TENM1: variants seen among roughly 807,000 people sequenced by gnomAD.
TENM1 encodes the protein teneurin-1.
In TENM1, 35 loss-of-function variants were observed where a neutral mutation model predicts 174.8. The ratio of observed to expected loss-of-function variants is 0.20; its 90% CI spans 0.15 to 0.27. The LOEUF (loss-of-function observed/expected upper bound fraction) is 0.27, where lower values mean the gene tolerates loss of function less well. Ranked by LOEUF, TENM1 falls within the 10% of genes least tolerant of loss-of-function variation. The pLI is 1.00. For synonymous variants in TENM1, 781 were observed against 798.7 expected (o/e 0.98, Z 0.37); for missense variants, 1,633 against 2,130.1 (o/e 0.77, Z 4.59).
At chrX:124,493,718 T>C (rs1398201449) in intron 20 of TENM1, among the ~76,000 whole-genome samples, 1 of 111,512 alleles carries the variant, frequency 9.0e-6, no homozygotes, top group African/African-American at 3.3e-5. Context: ...CTGTTGACTT[T>C]CCAGTAAGTA....
At chrX:124,458,749 C>T (rs1316273791) in intron 22 of TENM1, among the ~76,000 whole-genome samples, 1 of 111,892 alleles carries the variant, frequency 8.9e-6, no homozygotes, top group East Asian at 2.8e-4. Context: ...GAAAGACAGA[C>T]GACACCAGTG....
the TENM1 span, among the ~76,000 whole-genome samples, chrX:125,071,863 C>A: frequency 0.015 from 1,625 of 110,577 alleles, 22 homozygotes; most frequent in African/African-American, 0.051. Flanking sequence ...TCATATATTT[C>A]TGTCAGATCA....
At chrX:124,493,217 T>G (rs1006187167) in intron 20 of TENM1, among the ~76,000 whole-genome samples, 1 of 111,816 alleles carries the variant, frequency 8.9e-6, no homozygotes, top group Admixed American at 9.5e-5. Context: ...AGTTATTCTA[T>G]TTTATACTTC....
intron 18 of TENM1, among the ~76,000 whole-genome samples, chrX:124,514,277 T>A (rs1445030593): frequency 9.1e-6 from 1 of 110,220 alleles, no homozygotes; most frequent in Non-Finnish European, 1.9e-5. Flanking sequence ...AGAAAATTTC[T>A]AAGTGTCACA....
At chrX:124,456,741 T>C (rs1187890085) in intron 22 of TENM1, among the ~76,000 whole-genome samples, 3 of 111,766 alleles carry the variant, frequency 2.7e-5, no homozygotes, top group African/African-American at 9.7e-5. Flanking sequence ...TGATTTCAGA[T>C]CACATAAAGC....
At chrX:125,042,617 C>T in the TENM1 span, among the ~76,000 whole-genome samples, 1 of 111,106 alleles carries the variant, frequency 9.0e-6, no homozygotes, top group Non-Finnish European at 1.9e-5. Flanking sequence ...AACAAAAATG[C>T]CTTAACTCTA....
At chrX:125,158,638 A>C in the TENM1 span, among the ~76,000 whole-genome samples, 1 of 110,410 alleles carries the variant, frequency 9.1e-6, no homozygotes, top group Non-Finnish European at 1.9e-5. Context: ...AGTACTAACT[A>C]GATGCACATT....
chrX:124,846,487 C>T (rs2056611344), intron 3 of TENM1, among the ~76,000 whole-genome samples: 1 of 110,885 alleles, frequency 9.0e-6, no homozygotes, highest in Admixed American at 9.6e-5. Context: ...CAGTAATTTC[C>T]TTTTTTATTT....
At chrX:125,087,088 T>C in the TENM1 span, among the ~76,000 whole-genome samples, 1 of 110,951 alleles carries the variant, frequency 9.0e-6, no homozygotes, top group Non-Finnish European at 1.9e-5. Flanking sequence ...CTGTAATACA[T>C]GAGCATCTCT....
intron 3 of TENM1, among the ~76,000 whole-genome samples, chrX:124,869,119 A>G (rs1202282010): frequency 9.2e-6 from 1 of 108,634 alleles, no homozygotes; most frequent in African/African-American, 3.4e-5. Flanking sequence ...TGTAATCCCA[A>G]CTACTCTAGA....
chrX:125,033,904 A>G, the TENM1 span, among the ~76,000 whole-genome samples: 1 of 112,153 alleles, frequency 8.9e-6, no homozygotes, highest in South Asian at 3.7e-4. Flanking sequence ...TTTATTACAC[A>G]TGTAAACAAC....
intron 3 of TENM1, among the ~76,000 whole-genome samples, chrX:124,809,843 G>GGGGAGAGAGAGAGA (rs1556343852): frequency 5.1e-5 from 4 of 78,674 alleles, no homozygotes; most frequent in African/African-American, 2.0e-4. Flanking sequence ...CATGACAGCA[G>GGGGAGAGAGAGAGA]GAGAGAGAGA....
intron 11 of TENM1, among the ~76,000 whole-genome samples, chrX:124,596,911 A>T (rs1037066111): frequency 2.7e-5 from 3 of 111,810 alleles, no homozygotes; most frequent in African/African-American, 9.7e-5. Context: ...GCCAAAAAAC[A>T]TATGAAAAAA....
At chrX:124,799,556 C>G (rs1260737639) in intron 3 of TENM1, among the ~76,000 whole-genome samples, 1 of 111,430 alleles carries the variant, frequency 9.0e-6, no homozygotes, top group Non-Finnish European at 1.9e-5. Flanking sequence ...CAAACAGAGA[C>G]AATTTAACTT....
At chrX:124,432,720 C>A (rs1039073173) in intron 23 of TENM1, among the ~76,000 whole-genome samples, 4 of 112,221 alleles carry the variant, frequency 3.6e-5, no homozygotes, top group Admixed American at 9.5e-5. Context: ...GCCACCACAC[C>A]CAGCCAACTC....
intron 4 of TENM1, among the ~76,000 whole-genome samples, chrX:124,732,985 G>A (rs994942580): frequency 2.7e-5 from 3 of 111,779 alleles, no homozygotes; most frequent in African/African-American, 6.5e-5. Flanking sequence ...CAACCTGAAT[G>A]TCTCTGGCTT....
rs773109237 is a variant in TENM1, at chrX:124,557,259, C to G, written c.2434+4412G>C. On this transcript the variant is annotated intron_variant, in intron 14 of 31. Transcript: ENST00000422452. Reference sequence around the variant, plus strand: ...TATTTAAGTTAAATTTAAATACTCACATGTGGCCAGTGGCTACCATACTAG... The same window carrying G: ...TATTTAAGTTAAATTTAAATACTCAGATGTGGCCAGTGGCTACCATACTAG... Among the ~76,000 whole-genome samples the G allele has an allele frequency of 5.4e-5, 6 of 111,675 alleles. No homozygotes were observed. The East Asian group carries it at 1.7e-3, about 31-fold the overall frequency.
At chrX:124,680,470 TTTAATATA>T (rs1430419090) in intron 5 of TENM1, among the ~76,000 whole-genome samples, 2 of 111,293 alleles carry the variant, frequency 1.8e-5, no homozygotes, top group East Asian at 5.6e-4. Flanking sequence ...TTATCACAAG[TTTAATATA>T]TGATCTCCAT....
chrX:124,827,012 A>G (rs1369147822), intron 3 of TENM1, among the ~76,000 whole-genome samples: 3 of 112,161 alleles, frequency 2.7e-5, no homozygotes, highest in Admixed American at 9.5e-5. Context: ...GCCAAGAAAG[A>G]TGAACTTGCT....
Sources: allele counts gnomAD v4.1 joint callset (sites outside exome capture counted in the v4.1 genomes callset), GRCh38; gene constraint gnomAD v4.1.1; transcripts MANE v1.5; gene names NCBI Gene and HGNC (gene_info 2026-07-23, HGNC 2026-07-21).